The following HS6ST3 variants were observed in gnomAD, a reference collection of about 807,000 sequenced individuals.
The protein encoded by HS6ST3 is heparan sulfate 6-O-sulfotransferase 3, also known as heparan-sulfate 6-O-sulfotransferase 3.
HS6ST3 carries 12 observed loss-of-function variants against 36.7 expected under a neutral mutation model. That is an observed-to-expected ratio of 0.33 (90% confidence interval 0.21 to 0.53). The LOEUF is 0.53. Ranked by LOEUF, HS6ST3 falls within the 20% of genes least tolerant of loss-of-function variation. The pLI, the probability that HS6ST3 is intolerant of heterozygous loss-of-function variation, is 0.95. For synonymous variants in HS6ST3, 240 were observed against 257.5 expected (o/e 0.93, Z 0.65); for missense variants, 584 against 640.9 (o/e 0.91, Z 0.96).
At chr13:96,633,193 C>T (rs1313771192) in intron 1 of HS6ST3, among the ~76,000 whole-genome samples, 2 of 151,956 alleles carry the variant, frequency 1.3e-5, no homozygotes, top group African/African-American at 2.4e-5. Context: ...CCTTGGACTT[C>T]GGCATGGAAA....
chr13:96,227,227 AT>A, intron 1 of HS6ST3, among the ~76,000 whole-genome samples: 1 of 152,292 alleles, frequency 6.6e-6, no homozygotes, highest in East Asian at 1.9e-4. Flanking sequence ...ATATTTACCC[AT>A]TTTTGCTCTA....
At chr13:96,800,002 A>ATATATATATGTGTATATATATATATGTG (rs1878026686) in intron 1 of HS6ST3, among the ~76,000 whole-genome samples, 3 of 120,446 alleles carry the variant, frequency 2.5e-5, no homozygotes, top group South Asian at 4.6e-4. Flanking sequence ...ATATATGTAT[A>ATATATATATGTGTATATATATATATGTG]TATATATATA....
intron 1 of HS6ST3, among the ~76,000 whole-genome samples, chr13:96,311,900 G>A (rs1594750055): frequency 6.6e-6 from 1 of 152,090 alleles, no homozygotes; most frequent in Non-Finnish European, 1.5e-5. Context: ...CATTGTTTAA[G>A]CCTCTAAATA....
At chr13:96,169,205 C>T (rs949745771) in intron 1 of HS6ST3, among the ~76,000 whole-genome samples, 1 of 152,014 alleles carries the variant, frequency 6.6e-6, no homozygotes, top group Non-Finnish European at 1.5e-5. Context: ...GATTAGGTGA[C>T]TGAGGGTCAG....
intron 1 of HS6ST3, among the ~76,000 whole-genome samples, chr13:96,730,217 C>T (rs956349027): frequency 6.6e-6 from 1 of 152,202 alleles, no homozygotes; most frequent in African/African-American, 2.4e-5. Flanking sequence ...CTGAATCTGA[C>T]ATTTATTCCC....
intron 1 of HS6ST3, among the ~76,000 whole-genome samples, chr13:96,174,324 A>G (rs745732411): frequency 7.9e-5 from 12 of 152,084 alleles, no homozygotes; most frequent in Non-Finnish European, 1.3e-4. Flanking sequence ...TTCAGATAAT[A>G]TCTCTTGAAT....
At chr13:96,344,165 T>C (rs2055142988) in intron 1 of HS6ST3, among the ~76,000 whole-genome samples, 1 of 152,206 alleles carries the variant, frequency 6.6e-6, no homozygotes, top group South Asian at 2.1e-4. Context: ...CTCTTAAAAA[T>C]GTTAACACTT....
At chr13:96,237,860 T>G (rs1254835264) in intron 1 of HS6ST3, among the ~76,000 whole-genome samples, 1 of 152,204 alleles carries the variant, frequency 6.6e-6, no homozygotes, top group Non-Finnish European at 1.5e-5. Flanking sequence ...TTGTTTTTCT[T>G]CATATCTCAC....
At chr13:96,102,906 A>T (rs2053824562) in intron 1 of HS6ST3, among the ~76,000 whole-genome samples, 1 of 152,182 alleles carries the variant, frequency 6.6e-6, no homozygotes, top group South Asian at 2.1e-4. Flanking sequence ...TCCTATAGAA[A>T]CACTGTGTAG....
At chr13:96,637,881 TC>T (rs1253300401) in intron 1 of HS6ST3, among the ~76,000 whole-genome samples, 1 of 152,120 alleles carries the variant, frequency 6.6e-6, no homozygotes, top group African/African-American at 2.4e-5. Flanking sequence ...TGAGAAGGGT[TC>T]CTTGTAATGA....
At chr13:96,615,317 C>T (rs994274725) in intron 1 of HS6ST3, among the ~76,000 whole-genome samples, 3 of 152,134 alleles carry the variant, frequency 2.0e-5, no homozygotes, top group Admixed American at 6.5e-5. Context: ...TGTACATATC[C>T]CTGATTCTCT....
intron 1 of HS6ST3, among the ~76,000 whole-genome samples, chr13:96,705,542 G>A (rs971617076): frequency 5.3e-5 from 8 of 152,164 alleles, no homozygotes; most frequent in Non-Finnish European, 8.8e-5. Context: ...CAGCCTCTCA[G>A]TGTCCCTCTT....
At chr13:96,492,536 T>C (rs2055951724) in intron 1 of HS6ST3, among the ~76,000 whole-genome samples, 1 of 152,234 alleles carries the variant, frequency 6.6e-6, no homozygotes, top group South Asian at 2.1e-4. Flanking sequence ...CTCTCCTTCC[T>C]TGCAGAAATG....
At chr13:96,323,993 T>C (rs933103533) in intron 1 of HS6ST3, among the ~76,000 whole-genome samples, 8 of 152,038 alleles carry the variant, frequency 5.3e-5, no homozygotes. Flanking sequence ...ACCTACCTCT[T>C]CCCACAAAGG....
At chr13:96,391,372 C>T (rs540035418) in intron 1 of HS6ST3, among the ~76,000 whole-genome samples, 2 of 152,096 alleles carry the variant, frequency 1.3e-5, no homozygotes, top group African/African-American at 2.4e-5. Flanking sequence ...TTATTTGAAA[C>T]CCCAAAATCA....
At chr13:96,437,949 C>G (rs1022734895) in intron 1 of HS6ST3, among the ~76,000 whole-genome samples, 2 of 152,186 alleles carry the variant, frequency 1.3e-5, no homozygotes, top group South Asian at 4.1e-4. Context: ...CTTTGACAGT[C>G]AGAGGCACAG....
chr13:96,370,788 T>G (rs1221768193), intron 1 of HS6ST3, among the ~76,000 whole-genome samples: 1 of 152,100 alleles, frequency 6.6e-6, no homozygotes, highest in African/African-American at 2.4e-5. Flanking sequence ...GGTAGGCTAC[T>G]CGGGAGGCTG....
intron 1 of HS6ST3, among the ~76,000 whole-genome samples, chr13:96,111,540 C>A (rs1450105425): frequency 2.6e-5 from 4 of 151,926 alleles, no homozygotes; most frequent in Non-Finnish European, 5.9e-5. Flanking sequence ...AAGTTTGTCT[C>A]AGAAAAAAAA....
At chr13:96,132,838 C>T (rs1299461331) in intron 1 of HS6ST3, among the ~76,000 whole-genome samples, 1 of 152,198 alleles carries the variant, frequency 6.6e-6, no homozygotes, top group East Asian at 1.9e-4. Flanking sequence ...GGTAATATCT[C>T]ATTGTGGCTT....
Sources: gnomAD v4.1 joint callset for allele counts (sites outside exome capture counted in the v4.1 genomes callset) on GRCh38, gnomAD v4.1.1 for gene constraint, MANE v1.5 for transcripts, NCBI Gene and HGNC (gene_info 2026-07-23, HGNC 2026-07-21) for gene names.